The following CHN1 variants were observed in gnomAD, a reference collection of about 807,000 sequenced individuals.
CHN1 encodes N-chimaerin.
CHN1 carries 37 observed loss-of-function variants against 59.5 expected under a neutral mutation model. The observed-to-expected ratio is 0.62, with a 90% confidence interval of 0.48 to 0.82. The LOEUF is 0.82. CHN1 is among the 40% of genes least tolerant of loss of function. CHN1 has a pLI of 0.00. For synonymous variants in CHN1, 206 were observed against 200.4 expected (o/e 1.03, Z -0.24); for missense variants, 469 against 571.0 (o/e 0.82, Z 1.82).
chr2:174,883,344 T>A (rs1687791718), intron 5 of CHN1, among the ~76,000 whole-genome samples: 1 of 152,150 alleles, frequency 6.6e-6, no homozygotes, highest in African/African-American at 2.4e-5. Context: ...TCTTGAAAAC[T>A]AAGTGAAAGT....
intron 6 of CHN1, among the ~76,000 whole-genome samples, chr2:174,856,927 A>C (rs1048020611): frequency 3.3e-5 from 5 of 152,174 alleles, no homozygotes; most frequent in African/African-American, 9.6e-5. Flanking sequence ...GCTGGTACCC[A>C]ATCAAGTAGG....
intron 11 of CHN1, among the ~76,000 whole-genome samples, chr2:174,806,002 C>T (rs1341710400): frequency 6.6e-6 from 1 of 152,188 alleles, no homozygotes; most frequent in African/African-American, 2.4e-5. Context: ...CTCATTACCA[C>T]AGGGAGCTCA....
intron 2 of CHN1, among the ~76,000 whole-genome samples, chr2:174,945,975 T>TACACACACACACAGTGAAC (rs1689823893): frequency 6.6e-6 from 1 of 151,132 alleles, no homozygotes; most frequent in Non-Finnish European, 1.5e-5. Flanking sequence ...TATCTCTCTC[T>TACACACACACACAGTGAAC]ACACACACAC....
At chr2:174,964,101 A>AC (rs1690517402) in intron 1 of CHN1, among the ~76,000 whole-genome samples, 1 of 152,244 alleles carries the variant, frequency 6.6e-6, no homozygotes. Context: ...GTGCATGTGT[A>AC]CACAGCAGGG....
In CHN1 at chr2:174,918,307, A is replaced by G. The variant is rs1558981277; in HGVS notation, c.146+227T>C. On this transcript the variant is annotated intron_variant, in intron 4 of 12. Transcript: ENST00000409900. ...AAGATTACTTACTTGTACGGTTTGC[A>G]TCCTTAACATTATTGCATGTACATT... 3.3e-5 allele frequency among the ~76,000 whole-genome samples: 5 copies of G among 152,246 alleles called. No homozygotes were observed. The South Asian group carries it at 1.0e-3, about 32-fold the overall frequency.
intron 7 of CHN1, among the ~76,000 whole-genome samples, chr2:174,835,357 G>A (rs1190281284): frequency 6.6e-6 from 1 of 152,110 alleles, no homozygotes; most frequent in Admixed American, 6.6e-5. Flanking sequence ...GATATGCCTT[G>A]ATGTTGCTTT....
At chr2:174,817,932 C>T (rs192250174) in intron 8 of CHN1, among the ~76,000 whole-genome samples, 2,343 of 152,228 alleles carry the variant, frequency 0.015, 58 homozygotes, top group African/African-American at 0.053. Flanking sequence ...CCATCGCGCC[C>T]GGCCAATTTT....
At chr2:174,991,807 T>C (rs1354360868) in intron 1 of CHN1, among the ~76,000 whole-genome samples, 2 of 152,172 alleles carry the variant, frequency 1.3e-5, no homozygotes, top group East Asian at 1.9e-4. Flanking sequence ...AGGAATACCA[T>C]GGTTTAGGGG....
chr2:174,876,442 GA>G (rs1391504337), intron 6 of CHN1, among the ~76,000 whole-genome samples: 12 of 152,032 alleles, frequency 7.9e-5, no homozygotes, highest in African/African-American at 2.9e-4. Flanking sequence ...GCCATAAATG[GA>G]AAATCAACCA....
Position 175,005,113 on chromosome 2 carries a change from GGGCGCACCGGGCCC to G in CHN1, c.-215_-202del. The G allele has an allele frequency of 3.0e-6, 4 of 1,319,580 alleles. No homozygotes were observed. In the South Asian group the frequency reaches 7.0e-5, roughly 23 times the overall value. 81.7% of individuals were successfully genotyped at this position (1,319,580 alleles called of 1,614,324 possible). A position where few individuals can be genotyped will look rare whatever the true frequency, so the allele number is the denominator to read the frequency against. On this transcript the variant is annotated 5_prime_UTR_variant, in exon 1 of 13. It introduces an in-frame stop codon into an upstream open reading frame of the 5' UTR. Transcript: ENST00000409900. ...AAAAAGTTATTCACGCGTTATTGTC[GGGCGCACCGGGCCC>G]AGGGAGCCCCGCTAGCTCTCCGCGA...
intron 5 of CHN1, among the ~76,000 whole-genome samples, chr2:174,883,998 C>T (rs1407228090): frequency 4.2e-5 from 6 of 141,322 alleles, no homozygotes; most frequent in East Asian, 2.1e-4. Context: ...GACGTAGTCT[C>T]GCTCTGTCGC....
Position 174,799,500 on chromosome 2 carries a change from G to C in CHN1, c.*616C>G, listed in dbSNP as rs935474475. 2 of 513,630 alleles carry C rather than the reference G, an allele frequency of 3.9e-6. No homozygotes were observed. The allele number at this position is 513,630 out of a possible 1,614,324, so 31.8% of individuals were successfully genotyped here. ...ATAATTTAACAGAAAATGCTGTGTTGTACACTTTTTATTGGTATGGATAAC... is the reference window on the plus strand; with the variant it reads ...ATAATTTAACAGAAAATGCTGTGTTCTACACTTTTTATTGGTATGGATAAC... On this transcript the variant is annotated 3_prime_UTR_variant, in exon 13 of 13. Coordinates refer to ENST00000409900, the MANE Select transcript of CHN1 (RefSeq NM_001822.7).
intron 1 of CHN1, among the ~76,000 whole-genome samples, chr2:174,997,911 C>T (rs773783631): frequency 4.7e-5 from 7 of 147,812 alleles, no homozygotes; most frequent in Admixed American, 2.8e-4. Flanking sequence ...CGCTCAAATC[C>T]GGGAGGCAGA....
At chr2:174,920,915 C>G in intron 3 of CHN1, 1 of 424,466 alleles carries the variant, frequency 2.4e-6, no homozygotes, top group South Asian at 1.7e-5. Context: ...ACGGCCCCAT[C>G]TGGGGGTGAT....
chr2:174,858,989 C>CAA (rs1156908219), intron 6 of CHN1, among the ~76,000 whole-genome samples: 1 of 151,440 alleles, frequency 6.6e-6, no homozygotes, highest in East Asian at 1.9e-4. Context: ...TACACACACA[C>CAA]ACACACACAC....
chr2:174,953,812 C>T (rs1229116634), intron 1 of CHN1, among the ~76,000 whole-genome samples: 1 of 152,102 alleles, frequency 6.6e-6, no homozygotes, highest in Non-Finnish European at 1.5e-5. Context: ...CAAATGGAAA[C>T]ACATCCCATG....
intron 5 of CHN1, among the ~76,000 whole-genome samples, chr2:174,899,121 TACATTTATAC>T (rs1167179268): frequency 6.6e-6 from 1 of 152,190 alleles, no homozygotes; most frequent in Non-Finnish European, 1.5e-5. Flanking sequence ...CTTTTTTATA[TACATTTATAC>T]CAGTAGATTC....
intron 1 of CHN1, among the ~76,000 whole-genome samples, chr2:174,989,044 T>C (rs1691451946): frequency 6.6e-6 from 1 of 152,180 alleles, no homozygotes; most frequent in Admixed American, 6.5e-5. Context: ...AACTATGTAG[T>C]TTAACTGTAT....
intron 1 of CHN1, among the ~76,000 whole-genome samples, chr2:174,955,692 C>G (rs1690184783): frequency 6.6e-6 from 1 of 152,194 alleles, no homozygotes; most frequent in South Asian, 2.1e-4. Context: ...GGTATGTACA[C>G]ACCATGTAAT....
Sources: gnomAD v4.1 joint callset for allele counts (sites outside exome capture counted in the v4.1 genomes callset) on GRCh38, gnomAD v4.1.1 for gene constraint, MANE v1.5 for transcripts, NCBI Gene and HGNC (gene_info 2026-07-23, HGNC 2026-07-21) for gene names.